NCKAP5: variants seen among roughly 807,000 people sequenced by gnomAD.
The protein encoded by NCKAP5 is nck-associated protein 5.
Under a neutral mutation model 167.0 loss-of-function variants are expected in NCKAP5, and 92 were observed. That is an observed-to-expected ratio of 0.55 (90% CI 0.47 to 0.66). The LOEUF (loss-of-function observed/expected upper bound fraction) is 0.66. Among genes scored for constraint, NCKAP5 ranks in the 30% least tolerant of loss-of-function variants. The pLI, the probability that NCKAP5 is intolerant of heterozygous loss-of-function variation, is 0.00. For missense variants in NCKAP5, 2,378 were observed against 2,315.0 expected (o/e 1.03, Z -0.56); for synonymous variants, 891 against 877.4 (o/e 1.02, Z -0.27).
At chr2:132,944,467 T>C (rs1370100466) in intron 8 of NCKAP5, among the ~76,000 whole-genome samples, 1 of 152,192 alleles carries the variant, frequency 6.6e-6, no homozygotes, top group Non-Finnish European at 1.5e-5. Flanking sequence ...CCGTGTTAGG[T>C]ACATTACCAT....
intron 11 of NCKAP5, among the ~76,000 whole-genome samples, chr2:132,816,377 C>T (rs1307730017): frequency 6.6e-6 from 1 of 152,038 alleles, no homozygotes; most frequent in African/African-American, 2.4e-5. Context: ...TCAGTAGGTT[C>T]GTTTTGCCAA....
chr2:132,786,585 A>G (rs1683585158), intron 13 of NCKAP5, among the ~76,000 whole-genome samples: 1 of 152,196 alleles, frequency 6.6e-6, no homozygotes, highest in Non-Finnish European at 1.5e-5. Flanking sequence ...TGTATGGGAA[A>G]TGACATAGAG....
At chr2:133,226,729 G>A (rs1035282209) in intron 4 of NCKAP5, among the ~76,000 whole-genome samples, 4 of 151,622 alleles carry the variant, frequency 2.6e-5, no homozygotes, top group Non-Finnish European at 4.4e-5. Flanking sequence ...CAAACCACCA[G>A]AAGCCAGGAG....
chr2:133,235,593 G>A (rs893839950), intron 4 of NCKAP5, among the ~76,000 whole-genome samples: 6 of 151,940 alleles, frequency 3.9e-5, no homozygotes, highest in African/African-American at 1.5e-4. Flanking sequence ...AATAATGCCA[G>A]AAAGTGGTGG....
At chr2:132,697,179 G>GC (rs5834328) in intron 19 of NCKAP5, among the ~76,000 whole-genome samples, 152,311 of 152,358 alleles carry the variant, frequency 1, 76,132 homozygotes, top group Middle Eastern at 1. Flanking sequence ...TGGGCACTGC[G>GC]CCGGCCGACA....
the NCKAP5 span, among the ~76,000 whole-genome samples, chr2:133,574,374 C>G: frequency 8.5e-5 from 13 of 152,138 alleles, no homozygotes; most frequent in South Asian, 2.1e-4. Context: ...GGCAGGGATG[C>G]TCTGCTTTTC....
intron 11 of NCKAP5, among the ~76,000 whole-genome samples, chr2:132,826,905 G>T (rs1017437531): frequency 6.6e-6 from 1 of 152,202 alleles, no homozygotes; most frequent in Non-Finnish European, 1.5e-5. Context: ...GCAGTGCGAT[G>T]GGTGCTGGGC....
intron 4 of NCKAP5, among the ~76,000 whole-genome samples, chr2:133,254,428 C>T (rs999197593): frequency 2.0e-5 from 3 of 152,060 alleles, no homozygotes; most frequent in Non-Finnish European, 4.4e-5. Flanking sequence ...AGGCTGAGCC[C>T]TCAGGTGACT....
chr2:133,620,677 A>T, the NCKAP5 span, among the ~76,000 whole-genome samples: 1 of 152,114 alleles, frequency 6.6e-6, no homozygotes, highest in Non-Finnish European at 1.5e-5. Flanking sequence ...ATAGCGGGGG[A>T]CTTTAATACT....
chr2:132,725,800 A>G, intron 18 of NCKAP5, 41 bp from the exon 19 acceptor site: 1 of 1,601,242 alleles, frequency 6.2e-7, no homozygotes, highest in Non-Finnish European at 8.5e-7. Flanking sequence ...ATTCATACAA[A>G]TCAAAATGAG....
chr2:133,356,894 T>C (rs1684754167), intron 3 of NCKAP5, among the ~76,000 whole-genome samples: 1 of 152,230 alleles, frequency 6.6e-6, no homozygotes, highest in Admixed American at 6.5e-5. Flanking sequence ...AGAGCCATGT[T>C]CCTTTACAAC....
At chr2:133,329,200 C>T (rs1050381762) in intron 3 of NCKAP5, among the ~76,000 whole-genome samples, 5 of 152,184 alleles carry the variant, frequency 3.3e-5, no homozygotes, top group African/African-American at 9.7e-5. Context: ...CCATCCAGAT[C>T]TGGGTCTGCT....
chr2:132,745,393 G>T (rs72989512), intron 16 of NCKAP5, among the ~76,000 whole-genome samples: 9,228 of 145,030 alleles, frequency 0.064, 951 homozygotes, highest in African/African-American at 0.22. Context: ...TTTCATGACA[G>T]ACAAAAAAAA....
intron 8 of NCKAP5, among the ~76,000 whole-genome samples, chr2:132,901,481 G>C (rs557728975): frequency 6.6e-6 from 1 of 152,278 alleles, no homozygotes; most frequent in African/African-American, 2.4e-5. Context: ...CTTTAAGGTT[G>C]AACTTTATAG....
intron 10 of NCKAP5, among the ~76,000 whole-genome samples, chr2:132,861,758 C>T (rs374010088): frequency 2.0e-5 from 3 of 152,268 alleles, no homozygotes; most frequent in African/African-American, 4.8e-5. Flanking sequence ...GCCCTCAATG[C>T]CTCCTTTGTG....
chr2:133,541,376 G>A (rs1196165746), intron 2 of NCKAP5, among the ~76,000 whole-genome samples: 2 of 151,970 alleles, frequency 1.3e-5, no homozygotes, highest in African/African-American at 4.8e-5. Flanking sequence ...CAAAACATGA[G>A]AGCAACATTC....
intron 4 of NCKAP5, among the ~76,000 whole-genome samples, chr2:133,264,707 T>A (rs1401863012): frequency 6.6e-6 from 1 of 152,202 alleles, no homozygotes; most frequent in Non-Finnish European, 1.5e-5. Context: ...CAGAACAAAG[T>A]TCTTCTAAAG....
intron 7 of NCKAP5, among the ~76,000 whole-genome samples, chr2:132,968,151 T>A (rs1390633711): frequency 6.6e-6 from 1 of 152,134 alleles, no homozygotes; most frequent in Non-Finnish European, 1.5e-5. Flanking sequence ...TTTCTAGGCA[T>A]AGGAAGAAGT....
At chr2:133,092,197 C>T (rs11894473) in intron 6 of NCKAP5, among the ~76,000 whole-genome samples, 9,996 of 152,180 alleles carry the variant, frequency 0.066, 1,061 homozygotes, top group African/African-American at 0.22. Context: ...AAGGTCATAT[C>T]GGACCTGAAA....
Sources: allele counts gnomAD v4.1 joint callset (sites outside exome capture counted in the v4.1 genomes callset), GRCh38; gene constraint gnomAD v4.1.1; transcripts MANE v1.5; gene names NCBI Gene and HGNC (gene_info 2026-07-23, HGNC 2026-07-21).